Variants in ACOT9 observed in about 807,000 individuals in gnomAD.
ACOT9 encodes acyl-coenzyme A thioesterase 9, mitochondrial.
In ACOT9, 34 loss-of-function variants were observed where a neutral mutation model predicts 39.7. The observed-to-expected ratio is 0.86, with a 90% CI of 0.65 to 1.14. The LOEUF (loss-of-function observed/expected upper bound fraction) is 1.14, where lower values mean the gene tolerates loss of function less well. ACOT9 is among the 50% of genes most tolerant of loss of function. ACOT9 has a pLI of 0.00. For missense variants in ACOT9, 313 were observed against 344.1 expected (o/e 0.91, Z 0.71); for synonymous variants, 110 against 120.5 (o/e 0.91, Z 0.57).
At chrX:23,732,219 C>A (rs1929781829) in intron 4 of ACOT9, among the ~76,000 whole-genome samples, 1 of 112,446 alleles carries the variant, frequency 8.9e-6, no homozygotes, top group Non-Finnish European at 1.9e-5. Context: ...GCTATAAAAA[C>A]ATTTTTGTTA....
chrX:23,726,542 A>G (rs1418752473), intron 6 of ACOT9, among the ~76,000 whole-genome samples: 1 of 111,929 alleles, frequency 8.9e-6, no homozygotes. Context: ...GGAAATGTTT[A>G]ATTAACAGGA....
At chrX:23,733,281 T>C in intron 3 of ACOT9, 64 bp from the exon 4 acceptor site, 1 of 1,013,678 alleles carries the variant, frequency 9.9e-7, no homozygotes, top group South Asian at 2.0e-5. Flanking sequence ...ATTATGGCAA[T>C]GAGCTCAAGA....
At chrX:23,726,056 C>T (rs1052798950) in intron 6 of ACOT9, among the ~76,000 whole-genome samples, 4 of 108,762 alleles carry the variant, frequency 3.7e-5, no homozygotes, top group South Asian at 4.0e-4. Flanking sequence ...AAAAATTAGC[C>T]GGGCGTGGTG....
At chrX:23,735,886 C>G (rs1262874318) in intron 2 of ACOT9, 33 bp downstream of exon 2, 1 of 1,161,624 alleles carries the variant, frequency 8.6e-7, no homozygotes, top group African/African-American at 1.8e-5. Context: ...GGTTTTTCAC[C>G]ACATAGGCAT....
chrX:23,717,179 G>A (rs189191036), intron 8 of ACOT9, among the ~76,000 whole-genome samples: 2 of 110,357 alleles, frequency 1.8e-5, no homozygotes, highest in Non-Finnish European at 3.8e-5. Flanking sequence ...TTGTAGAGAC[G>A]GGGTTTCACC....
At chrX:23,716,169 G>C (rs1409680546) in intron 8 of ACOT9, among the ~76,000 whole-genome samples, 4 of 111,770 alleles carry the variant, frequency 3.6e-5, no homozygotes, top group Non-Finnish European at 7.5e-5. Context: ...TGAGCATGAA[G>C]TTATCCTGGA....
At chrX:23,719,372 A>T (rs1352094191) in intron 8 of ACOT9, among the ~76,000 whole-genome samples, 1 of 112,333 alleles carries the variant, frequency 8.9e-6, no homozygotes, top group Non-Finnish European at 1.9e-5. Flanking sequence ...ACTTATTTTG[A>T]CAAATAACTA....
intron 1 of ACOT9, among the ~76,000 whole-genome samples, chrX:23,739,862 AT>A (rs1415366862): frequency 9.0e-6 from 1 of 110,769 alleles, no homozygotes; most frequent in African/African-American, 3.3e-5. Context: ...ATAGAATCAA[AT>A]GAGGAGAGAA....
chrX:23,705,598 C>T lies in ACOT9; in HGVS notation c.934-4G>A, dbSNP rs771953064. The T allele has an allele frequency of 1.7e-6, 2 of 1,204,162 alleles. No homozygotes were observed. Among genetic ancestry groups the T allele is most frequent in the Non-Finnish European group, 2.2e-6 (2 of 890,013 alleles). ...TCCGATTGAAAATGTTCCGCTCCTA[C>T]AGGACATAAATAAATATCAATAAAT... On this transcript the variant is annotated splice_polypyrimidine_tract_variant and splice_region_variant and intron_variant, in intron 12 of 15. Coordinates refer to ENST00000379303, the MANE Select transcript of ACOT9 (RefSeq NM_001037171.2).
intron 8 of ACOT9, among the ~76,000 whole-genome samples, chrX:23,719,041 G>A (rs1376446902): frequency 3.6e-5 from 4 of 111,156 alleles, no homozygotes; most frequent in Non-Finnish European, 7.5e-5. Flanking sequence ...AGGCGAGGGC[G>A]GGTGGATGGC....
intron 6 of ACOT9, among the ~76,000 whole-genome samples, chrX:23,728,806 T>C (rs1359081497): frequency 9.0e-6 from 1 of 111,237 alleles, no homozygotes; most frequent in East Asian, 2.8e-4. Flanking sequence ...ATTCTAGGAC[T>C]GGGGCAGGGA....
chrX:23,704,591 T>C (rs1312926022), intron 15 of ACOT9, 103 bp downstream of exon 15: 2 of 940,287 alleles, frequency 2.1e-6, no homozygotes, highest in Admixed American at 5.3e-5. Context: ...GAAGACATGC[T>C]CTTGTGCTGA....
intron 10 of ACOT9, chrX:23,707,608 G>A (rs781186332): frequency 6.4e-4 from 104 of 163,269 alleles, no homozygotes; most frequent in East Asian, 2.0e-3. Flanking sequence ...GTGGTGGCGC[G>A]CACCTGTAGT....
At chrX:23,719,082 C>T (rs970782643) in intron 8 of ACOT9, among the ~76,000 whole-genome samples, 2 of 109,141 alleles carry the variant, frequency 1.8e-5, no homozygotes, top group South Asian at 4.0e-4. Flanking sequence ...CCAGCCTGGG[C>T]AACATGGTAA....
chrX:23,733,207 C>T lies in ACOT9; in HGVS notation c.156G>A (p.Lys52=), dbSNP rs1929819045. The part of the protein sequence containing the change: ...SSIHVNHVRD[K]LREIVGASTN... The stretch of plus-strand genomic sequence containing the variant: ...TGGATGCTCCTACTATCTCCCGCAA[C>T]TTATCTCGAACTGAAACAAAAATAA... Residue 52 remains lysine (K), a synonymous_variant, in exon 4 of 16, where the codon AAG becomes AAA. Coordinates refer to ENST00000379303, the MANE Select transcript of ACOT9 (RefSeq NM_001037171.2). The T allele has an allele frequency of 2.5e-6, 3 of 1,207,134 alleles. No individual in the cohort carries two copies. The highest frequency in any genetic ancestry group is 3.5e-5 in the African/African-American group (2 of 57,064).
At position 23,705,082 on chromosome X, in the gene ACOT9, T is replaced by C; in HGVS notation, c.1020-2A>G. 8.3e-7 allele frequency: 1 copy of C among 1,208,020 alleles called. No individual in the cohort carries two copies. The highest frequency in any genetic ancestry group is 1.1e-6 in the Non-Finnish European group (1 of 893,416). ...GCTACCACAAACGGTCGAGAACCAC[T>C]GTTGGGGGAAAGGACAGAATTTGGG... On this transcript the variant is annotated splice_acceptor_variant, in intron 13 of 15. Transcript: ENST00000379303. LOFTEE classifies it high-confidence loss of function.
Position 23,735,963 on chromosome X carries a change from C to T in ACOT9, c.74G>A (p.Gly25Glu), listed in dbSNP as rs900903489. The T allele has an allele frequency of 1.2e-5, 15 of 1,208,979 alleles. No homozygotes were observed. Among genetic ancestry groups the T allele is most frequent in the Admixed American group, 2.2e-5 (1 of 45,498 alleles). Reference protein sequence around the residue: ...QLTPGRGLTQGPQNPKKQGIF... With the variant: ...QLTPGRGLTQEPQNPKKQGIF... ...TCCCTGTTTCTTGGGGTTCTGGGGTCCTTGAGTCAGTCCTCTTCCAGGAGT... is the reference window on the plus strand; with the variant it reads ...TCCCTGTTTCTTGGGGTTCTGGGGTTCTTGAGTCAGTCCTCTTCCAGGAGT... Residue 25 changes from glycine (G) to glutamate (E), a missense_variant, in exon 2 of 16, where the codon GGA becomes GAA. Gly to Glu is a moderately conservative substitution (Grantham distance 98). Coordinates refer to ENST00000379303, the MANE Select transcript of ACOT9 (RefSeq NM_001037171.2).
At chrX:23,708,949 T>C (rs1186667827) in intron 9 of ACOT9, among the ~76,000 whole-genome samples, 1 of 112,141 alleles carries the variant, frequency 8.9e-6, no homozygotes, top group African/African-American at 3.2e-5. Context: ...GCAAATGTAA[T>C]ACAATTTACG....
At chrX:23,736,634 C>T (rs1396816215) in intron 1 of ACOT9, among the ~76,000 whole-genome samples, 1 of 110,719 alleles carries the variant, frequency 9.0e-6, no homozygotes, top group Non-Finnish European at 1.9e-5. Context: ...GCCTGGGCAA[C>T]ATGGCAAAAC....
Sources: gnomAD v4.1 joint callset for allele counts (sites outside exome capture counted in the v4.1 genomes callset) on GRCh38, gnomAD v4.1.1 for gene constraint, MANE v1.5 for transcripts, NCBI Gene and HGNC (gene_info 2026-07-23, HGNC 2026-07-21) for gene names.